KIAA0513: variants seen among roughly 807,000 people sequenced by gnomAD.
KIAA0513 encodes uncharacterized protein KIAA0513.
A neutral mutation model predicts 56.5 loss-of-function variants in KIAA0513; 39 were observed. The observed-to-expected ratio is 0.69, with a 90% confidence interval of 0.53 to 0.90. KIAA0513 has a LOEUF of 0.90. KIAA0513 is among the 40% of genes least tolerant of loss of function. The pLI, the probability that KIAA0513 is intolerant of heterozygous loss-of-function variation, is 0.00. For missense variants in KIAA0513, 591 were observed against 535.2 expected (o/e 1.10, Z -1.03); for synonymous variants, 268 against 215.6 (o/e 1.24, Z -2.13).
In KIAA0513 at chr16:85,079,011, C is replaced by T. The variant is rs567937219; in HGVS notation, c.902+8C>T. ...GAAGCAACAGCCCATCTGGTAAGGC[C>T]GAGCCCGCGGCTTCCCGTCACCCTC... On this transcript the variant is annotated splice_region_variant and intron_variant, in intron 8 of 12. Coordinates refer to ENST00000683363, the MANE Select transcript of KIAA0513 (RefSeq NM_001388359.1). 6.8e-5 allele frequency: 109 copies of T among 1,614,112 alleles called. No individual in the cohort carries two copies. Among genetic ancestry groups the T allele is most frequent in the Non-Finnish European group, 8.5e-5 (100 of 1,180,018 alleles).
intron 5 of KIAA0513, 87 bp from the exon 6 acceptor site, chr16:85,077,338 C>A: frequency 7.8e-7 from 1 of 1,278,714 alleles, no homozygotes; most frequent in African/African-American, 1.5e-5. Flanking sequence ...TGCACAGGAC[C>A]CCTGCGGGGC....
chr16:85,064,767 C>T (rs2073454296), intron 1 of KIAA0513, among the ~76,000 whole-genome samples: 1 of 152,124 alleles, frequency 6.6e-6, no homozygotes, highest in Non-Finnish European at 1.5e-5. Flanking sequence ...GTCACTGCAA[C>T]CTCCGCCTCC....
intron 1 of KIAA0513, among the ~76,000 whole-genome samples, chr16:85,056,069 AC>A (rs1289018866): frequency 5.9e-5 from 9 of 152,004 alleles, no homozygotes; most frequent in African/African-American, 2.2e-4. Context: ...TTCAGCCCAG[AC>A]CCCCCTGAAA....
In KIAA0513 at chr16:85,081,728, C is replaced by T. The variant is rs1048133670; in HGVS notation, c.980+336C>T. 6.6e-6 allele frequency among the ~76,000 whole-genome samples: 1 copy of T among 152,222 alleles called. No homozygotes were observed. The highest frequency in any genetic ancestry group is 1.9e-4 in the East Asian group (1 of 5,194). On this transcript the variant is annotated intron_variant, in intron 9 of 12. Coordinates refer to ENST00000683363, the MANE Select transcript of KIAA0513 (RefSeq NM_001388359.1). The surrounding 1 kb of genome is among the most constrained non-coding windows in gnomAD (Gnocchi z 4.4). ...ACAAAATCAGCATCCTGAGGATGAA[C>T]GCTTGGAGCAGGGTCCTGGGAGGAA...
chr16:85,066,803 C>CG (rs1348690298), intron 1 of KIAA0513, 97 bp from the exon 2 acceptor site: 20 of 406,374 alleles, frequency 4.9e-5, no homozygotes, highest in Non-Finnish European at 7.0e-5. Flanking sequence ...CCCCAAATTC[C>CG]GGAAGAGCAG....
chr16:85,054,806 T>A (rs895197266), intron 1 of KIAA0513, among the ~76,000 whole-genome samples: 16 of 151,992 alleles, frequency 1.1e-4, no homozygotes, highest in African/African-American at 3.6e-4. Context: ...CATTTACCTT[T>A]GGGGAGGCCT....
At chr16:85,038,705 C>G (rs1428012216) in intron 1 of KIAA0513, among the ~76,000 whole-genome samples, 1 of 100,564 alleles carries the variant, frequency 9.9e-6, no homozygotes, top group East Asian at 2.3e-4. Flanking sequence ...CAGACTCAGC[C>G]TCAAAAAAAA....
Position 85,088,923 on chromosome 16 carries a change from G to T in KIAA0513, c.*598G>T, listed in dbSNP as rs904053775. The stretch of plus-strand genomic sequence containing the variant: ...AGGAAACGCCTGTGTTAGGGAGAGA[G>T]TGGGTGCGGTGTAGAGGATGCTCTT... On this transcript the variant is annotated 3_prime_UTR_variant, in exon 13 of 13. Coordinates refer to ENST00000683363, the MANE Select transcript of KIAA0513 (RefSeq NM_001388359.1). 1 of 153,506 alleles carries T rather than the reference G, an allele frequency of 6.5e-6. No homozygotes were observed. The highest frequency in any genetic ancestry group is 2.4e-5 in the African/African-American group (1 of 41,492). 9.5% of individuals were successfully genotyped at this position (153,506 alleles called of 1,614,324 possible).
At chr16:85,052,044 A>G (rs2073259902) in intron 1 of KIAA0513, among the ~76,000 whole-genome samples, 1 of 151,760 alleles carries the variant, frequency 6.6e-6, no homozygotes, top group Non-Finnish European at 1.5e-5. Context: ...CGCATTGGCC[A>G]GGCGCAGTGG....
chr16:85,061,760 G>A (rs1402833816), intron 1 of KIAA0513, among the ~76,000 whole-genome samples: 1 of 152,204 alleles, frequency 6.6e-6, no homozygotes, highest in Non-Finnish European at 1.5e-5. Context: ...CCACACCGGG[G>A]CAATCTCGTG....
chr16:85,049,414 G>C (rs1260570070), intron 1 of KIAA0513, among the ~76,000 whole-genome samples: 1 of 152,210 alleles, frequency 6.6e-6, no homozygotes, highest in Non-Finnish European at 1.5e-5. Context: ...TTCTGATACG[G>C]TTTGGTTCTG....
Position 85,051,411 on chromosome 16 carries a change from C to T in KIAA0513, c.-172-15489C>T, listed in dbSNP as rs145457109. Among the ~76,000 whole-genome samples the T allele has an allele frequency of 3.5e-3, 539 of 152,316 alleles. 2 individuals carry two copies. The highest frequency in any genetic ancestry group is 0.012 in the African/African-American group (511 of 41,566). ...TGCATTAAGCTTTATAAAATGTTAT[C>T]TCAGAAGAGAAATGGCAAGAAACCC... On this transcript the variant is annotated intron_variant, in intron 1 of 12. Coordinates refer to ENST00000683363, the MANE Select transcript of KIAA0513 (RefSeq NM_001388359.1).
At chr16:85,075,772 T>G (rs2073647250) in intron 4 of KIAA0513, 72 bp from the exon 5 acceptor site, 3 of 1,330,420 alleles carry the variant, frequency 2.3e-6, no homozygotes, top group Admixed American at 3.4e-5. Context: ...AGTGTCTCAG[T>G]GATGTCTGAC....
intron 5 of KIAA0513, 44 bp downstream of exon 5, chr16:85,075,958 C>G: frequency 3.5e-6 from 5 of 1,438,524 alleles, no homozygotes; most frequent in Non-Finnish European, 4.9e-6. Flanking sequence ...TGAGGCTAGT[C>G]TGCTGATAAT....
chr16:85,082,904 C>T (rs1051468688), intron 10 of KIAA0513, among the ~76,000 whole-genome samples: 5 of 152,260 alleles, frequency 3.3e-5, no homozygotes, highest in Non-Finnish European at 4.4e-5. Flanking sequence ...AAGGCGGTGA[C>T]GCCGGGGAAA....
intron 6 of KIAA0513, 119 bp downstream of exon 6, chr16:85,077,751 C>T (rs534107316): frequency 2.5e-5 from 18 of 730,736 alleles, no homozygotes; most frequent in South Asian, 7.5e-5. Flanking sequence ...AGGAACACTG[C>T]GCTGCCCAGC....
Position 85,076,007 on chromosome 16 carries a change from A to C in KIAA0513, c.574+93A>C. ...AAGCTTTCTTCATGATAAAAAGCAA[A>C]AGCTATGGGGCCTCCAGAGAACAGA... is the stretch of plus-strand genomic sequence containing the variant. On this transcript the variant is annotated intron_variant, in intron 5 of 12. Transcript: ENST00000683363. The surrounding 1 kb of genome is among the most constrained non-coding windows in gnomAD (Gnocchi z 4.7). 1.1e-6 allele frequency: 1 copy of C among 939,796 alleles called. No individual in the cohort carries two copies. The highest frequency in any genetic ancestry group is 1.3e-5 in the South Asian group (1 of 75,254). 58.2% of individuals were successfully genotyped at this position (939,796 alleles called of 1,614,324 possible). A position where few individuals can be genotyped will look rare whatever the true frequency, so the allele number is the denominator to read the frequency against.
chr16:85,031,705 C>T (rs975610095), intron 1 of KIAA0513, among the ~76,000 whole-genome samples: 3 of 152,212 alleles, frequency 2.0e-5, no homozygotes, highest in African/African-American at 4.8e-5. Context: ...TGTTCCTCCC[C>T]TTTCCATGGC....
Position 85,077,466 on chromosome 16 carries a change from G to T in KIAA0513, c.616G>T (p.Ala206Ser). Residue 206 changes from alanine (A) to serine (S), a missense_variant, in exon 6 of 13, where the codon GCG (alanine) becomes TCG (serine). Coordinates refer to ENST00000683363, the MANE Select transcript of KIAA0513 (RefSeq NM_001388359.1). ...LLPPESREKPAGSIDSYLKSA... is the reference protein window; with the variant it reads ...LLPPESREKPSGSIDSYLKSA... ...GCCCCCGGAGTCCCGGGAGAAGCCC[G>T]CGGGCAGCATCGACTCCTACCTGAA... The T allele has an allele frequency of 6.2e-7, 1 of 1,614,124 alleles. No individual in the cohort carries two copies. The highest frequency in any genetic ancestry group is 8.5e-7 in the Non-Finnish European group (1 of 1,180,024).
Sources: allele counts gnomAD v4.1 joint callset (sites outside exome capture counted in the v4.1 genomes callset), GRCh38; gene constraint gnomAD v4.1.1; non-coding constraint Gnocchi (gnomAD v3.1); transcripts MANE v1.5; gene names NCBI Gene and HGNC (gene_info 2026-07-23, HGNC 2026-07-21).